DRC3: variants seen among roughly 807,000 people sequenced by gnomAD.
DRC3 encodes the protein dynein regulatory complex subunit 3.
Under a neutral mutation model 57.6 loss-of-function variants are expected in DRC3, and 45 were observed. The observed-to-expected ratio is 0.78, with a 90% CI of 0.62 to 1.00. DRC3 has a LOEUF of 1.00. DRC3 is among the 50% of genes least tolerant of loss of function. DRC3 has a pLI of 0.00. For missense variants in DRC3, 655 were observed against 675.2 expected (o/e 0.97, Z 0.33); for synonymous variants, 257 against 272.3 (o/e 0.94, Z 0.55).
At chr17:17,978,367 G>A (rs1253769746) in intron 3 of DRC3, among the ~76,000 whole-genome samples, 1 of 152,192 alleles carries the variant, frequency 6.6e-6, no homozygotes, top group African/African-American at 2.4e-5. Context: ...GACAAGGTGA[G>A]ACAGCACGTG....
rs1415553484 is a variant in DRC3, at chr17:18,008,407, T to C, written c.1326+1260T>C. On this transcript the variant is annotated intron_variant, in intron 12 of 13. Transcript: ENST00000399187. The surrounding 1 kb of genome is among the most constrained non-coding windows in gnomAD (Gnocchi z 4.3). ...TGCTGATGTGACTATTCACACTACA[T>C]GTAAGCTCAGGAGGGAGGACGGGGA... 6.6e-6 allele frequency among the ~76,000 whole-genome samples: 1 copy of C among 152,220 alleles called. No homozygotes were observed. Among genetic ancestry groups the C allele is most frequent in the Non-Finnish European group, 1.5e-5 (1 of 68,050 alleles).
intron 12 of DRC3, chr17:18,015,648 C>T (rs2044332277): frequency 5.7e-6 from 1 of 174,298 alleles, no homozygotes; most frequent in Non-Finnish European, 1.2e-5. Flanking sequence ...GTCTTCAGAG[C>T]AGCCTCGAGA....
intron 7 of DRC3, 115 bp from the exon 8 acceptor site, chr17:17,994,884 C>CCATT: frequency 1.4e-6 from 1 of 701,662 alleles, no homozygotes; most frequent in Non-Finnish European, 2.6e-6. Context: ...TCTGCACATG[C>CCATT]CATTCTCTTT....
chr17:17,996,794 C>T (rs528987333), intron 8 of DRC3, among the ~76,000 whole-genome samples: 27 of 152,304 alleles, frequency 1.8e-4, no homozygotes, highest in African/African-American at 6.3e-4. Context: ...CAAGGCATTT[C>T]ATCTCTCTGG....
chr17:18,013,487 G>A (rs2044241085), intron 12 of DRC3, among the ~76,000 whole-genome samples: 1 of 152,120 alleles, frequency 6.6e-6, no homozygotes, highest in African/African-American at 2.4e-5. Context: ...TGAAATCCAT[G>A]GCAACATGGA....
chr17:17,990,769 C>T (rs2145310934), intron 5 of DRC3, among the ~76,000 whole-genome samples: 1 of 152,252 alleles, frequency 6.6e-6, no homozygotes, highest in Non-Finnish European at 1.5e-5. Flanking sequence ...AGGTGGGCGA[C>T]TCACTTGAGG....
intron 12 of DRC3, chr17:18,007,514 G>A (rs2044024125): frequency 4.5e-6 from 7 of 1,547,064 alleles, no homozygotes. Flanking sequence ...CTTAGAGTCT[G>A]TATAATGAGT....
At chr17:18,007,903 C>T in intron 12 of DRC3, 1 of 976,474 alleles carries the variant, frequency 1.0e-6, no homozygotes, top group Non-Finnish European at 1.2e-6. Flanking sequence ...GCCTGGACTG[C>T]TTGCCTCTTT....
At chr17:18,009,905 G>T (rs973008265) in intron 12 of DRC3, among the ~76,000 whole-genome samples, 9 of 152,224 alleles carry the variant, frequency 5.9e-5, no homozygotes, top group African/African-American at 2.2e-4. Flanking sequence ...AGGAAAAGCA[G>T]AACGTACATG....
chr17:17,996,014 G>GGTTTTTTT (rs376265864), intron 8 of DRC3, among the ~76,000 whole-genome samples: 1 of 152,120 alleles, frequency 6.6e-6, no homozygotes, highest in Non-Finnish European at 1.5e-5. Context: ...AGAGGTTTTT[G>GGTTTTTTT]GTTTTTTTGT....
rs751138192 is a variant in DRC3, at chr17:17,991,284, C to CTTTTTTTT, written c.445-1464_445-1457dup. ...CTAGATGCTATCCAATGAAGTATTG[C>CTTTTTTTT]TTTTTTTTTTTTTTTTTTTTTTTTG... On this transcript the variant is annotated intron_variant, in intron 5 of 13. Coordinates refer to ENST00000399187, the MANE Select transcript of DRC3 (RefSeq NM_031294.4). Among the ~76,000 whole-genome samples, 46 of 74,006 alleles carry CTTTTTTTT rather than the reference C, an allele frequency of 6.2e-4. 1 individual carries two copies. The highest frequency in any genetic ancestry group is 6.9e-4 in the African/African-American group (12 of 17,456). 48.6% of individuals were successfully genotyped at this position (74,006 alleles called of 152,430 possible). A position where few individuals can be genotyped will look rare whatever the true frequency, so the allele number is the denominator to read the frequency against.
At chr17:18,003,800 G>A (rs1412338069) in intron 9 of DRC3, among the ~76,000 whole-genome samples, 1 of 133,666 alleles carries the variant, frequency 7.5e-6, no homozygotes, top group Non-Finnish European at 1.5e-5. Flanking sequence ...CCGCCACCAT[G>A]CCTGGCTAAT....
intron 10 of DRC3, chr17:18,005,681 G>A (rs777300421): frequency 5.4e-4 from 86 of 160,456 alleles, no homozygotes; most frequent in Admixed American, 1.5e-3. Context: ...ACGCCACAAC[G>A]CAGGGATTAT....
chr17:18,010,224 C>T (rs925077376), intron 12 of DRC3, among the ~76,000 whole-genome samples: 2 of 152,158 alleles, frequency 1.3e-5, no homozygotes, highest in Admixed American at 6.5e-5. Flanking sequence ...AGCCAAGCTG[C>T]TCATTTGTCT....
At chr17:18,004,548 C>G (rs2043876206) in intron 10 of DRC3, 54 bp downstream of exon 10, 4 of 1,578,056 alleles carry the variant, frequency 2.5e-6, no homozygotes, top group Non-Finnish European at 3.4e-6. Flanking sequence ...AGCTGCACAT[C>G]CATAGGTGAA....
rs139765955 is a variant in DRC3 at position 18,001,042 on chromosome 17, G to A, written c.1000-3321G>A. On this transcript the variant is annotated intron_variant, in intron 9 of 13. Transcript: ENST00000399187. ...AGCCTCCTGAGTAGCTGGGACTACA[G>A]GAACACAACACCACACCTGGCTGTT... Among the ~76,000 whole-genome samples the A allele has an allele frequency of 1.7e-4, 26 of 152,012 alleles. No homozygotes were observed. The East Asian group carries it at 4.8e-3, about 28-fold the overall frequency.
intron 9 of DRC3, among the ~76,000 whole-genome samples, chr17:18,003,121 T>C (rs2043803790): frequency 6.6e-6 from 1 of 152,108 alleles, no homozygotes; most frequent in Non-Finnish European, 1.5e-5. Flanking sequence ...ACAAGGCAGA[T>C]GAGCGTTAGT....
intron 5 of DRC3, among the ~76,000 whole-genome samples, chr17:17,992,441 C>G (rs1185690602): frequency 6.6e-6 from 1 of 152,222 alleles, no homozygotes; most frequent in Non-Finnish European, 1.5e-5. Context: ...CTGTAACACA[C>G]ATGATATCCT....
chr17:17,992,733 G>A, intron 5 of DRC3, 32 bp from the exon 6 acceptor site: 1 of 1,606,436 alleles, frequency 6.2e-7, no homozygotes, highest in Non-Finnish European at 8.5e-7. Context: ...TGGCAGCCAA[G>A]AAAATGGGCC....
Sources: allele counts gnomAD v4.1 joint callset (sites outside exome capture counted in the v4.1 genomes callset), GRCh38; gene constraint gnomAD v4.1.1; non-coding constraint Gnocchi (gnomAD v3.1); transcripts MANE v1.5; gene names NCBI Gene and HGNC (gene_info 2026-07-23, HGNC 2026-07-21).